Variants in ITGA9 observed in about 807,000 individuals in gnomAD.
ITGA9 encodes the protein integrin alpha-9.
In ITGA9, 56 loss-of-function variants were observed where a neutral mutation model predicts 127.8. The observed-to-expected ratio is 0.44, with a 90% confidence interval of 0.35 to 0.55. ITGA9 has a LOEUF of 0.55. Among genes scored for constraint, ITGA9 ranks in the 20% least tolerant of loss-of-function variants. The pLI is 0.00. For synonymous variants in ITGA9, 508 were observed against 514.5 expected, an observed-to-expected ratio of 0.99 and a Z score of 0.17; for missense variants, 1,196 against 1,347.1, an observed-to-expected ratio of 0.89 and a Z score of 1.76.
chr3:37,763,064 AC>A (rs781644408), intron 23 of ITGA9, among the ~76,000 whole-genome samples: 6 of 152,242 alleles, frequency 3.9e-5, no homozygotes, highest in Non-Finnish European at 7.3e-5. Context: ...TTCAACAAAT[AC>A]TTTGCGCCCA....
chr3:37,821,721 T>C lies in ITGA9; in HGVS notation c.*2732T>C, dbSNP rs1259414250. ...TGTGGGCAGTCTCAGAGCTGGGACCTATTTGCTTCTGCTTGATTCTGCGTG... is the reference window on the plus strand; with the variant it reads ...TGTGGGCAGTCTCAGAGCTGGGACCCATTTGCTTCTGCTTGATTCTGCGTG... On this transcript the variant is annotated 3_prime_UTR_variant, in exon 28 of 28. Coordinates refer to ENST00000264741, the MANE Select transcript of ITGA9 (RefSeq NM_002207.3). 2 of 151,838 alleles carry C rather than the reference T, an allele frequency of 1.3e-5. No homozygotes were observed. Among genetic ancestry groups the C allele is most frequent in the African/African-American group, 4.8e-5 (2 of 41,330 alleles). The allele number at this position is 151,838 out of a possible 1,614,324, so 9.4% of individuals were successfully genotyped here. A position where few individuals can be genotyped will look rare whatever the true frequency, so the allele number is the denominator to read the frequency against.
intron 17 of ITGA9, among the ~76,000 whole-genome samples, chr3:37,673,625 T>C (rs1292924392): frequency 6.6e-6 from 1 of 152,228 alleles, no homozygotes; most frequent in African/African-American, 2.4e-5. Context: ...TCTCAGCTTT[T>C]CCTTATCTTA....
Position 37,806,514 on chromosome 3 carries a change from T to G in ITGA9, c.3009+2572T>G, listed in dbSNP as rs1180392298. 1 of 152,654 alleles carries G rather than the reference T, an allele frequency of 6.6e-6. No individual in the cohort carries two copies. The highest frequency in any genetic ancestry group is 1.5e-5 in the Non-Finnish European group (1 of 68,386). The allele number at this position is 152,654 out of a possible 1,614,324, so 9.5% of individuals were successfully genotyped here. A position where few individuals can be genotyped will look rare whatever the true frequency, so the allele number is the denominator to read the frequency against. On this transcript the variant is annotated intron_variant, in intron 27 of 27. Coordinates refer to ENST00000264741, the MANE Select transcript of ITGA9 (RefSeq NM_002207.3). This position sits in a 1 kb window ranked among gnomAD's most constrained non-coding sequence, Gnocchi z 4.3. ...CCTCTCAGGGGTGTCCTGTCTCCTC[T>G]GCACAGCCCCTGCCTCCTCCAGCCC...
chr3:37,604,087 C>G (rs1699946101), intron 15 of ITGA9, among the ~76,000 whole-genome samples: 1 of 152,204 alleles, frequency 6.6e-6, no homozygotes, highest in South Asian at 2.1e-4. Flanking sequence ...GATGCTGGTT[C>G]TGTTGTAAGA....
At chr3:37,526,616 C>T (rs1204071358) in intron 13 of ITGA9, among the ~76,000 whole-genome samples, 2 of 152,214 alleles carry the variant, frequency 1.3e-5, no homozygotes, top group Non-Finnish European at 2.9e-5. Context: ...TGCTGAGGCC[C>T]GTGCAGTCTG....
intron 17 of ITGA9, among the ~76,000 whole-genome samples, chr3:37,656,287 A>T (rs1458504288): frequency 6.6e-6 from 1 of 152,210 alleles, no homozygotes; most frequent in African/African-American, 2.4e-5. Flanking sequence ...TTTGAGCAGT[A>T]TGGCCATTTT....
At chr3:37,550,905 C>T (rs1159331359) in intron 15 of ITGA9, among the ~76,000 whole-genome samples, 7 of 152,134 alleles carry the variant, frequency 4.6e-5, no homozygotes, top group Admixed American at 3.9e-4. Context: ...TCACAAGGTA[C>T]AGGTGCTTGT....
At chr3:37,457,759 G>T in intron 1 of ITGA9, among the ~76,000 whole-genome samples, 1 of 152,232 alleles carries the variant, frequency 6.6e-6, no homozygotes, top group East Asian at 1.9e-4. Context: ...TTTCTCTGAA[G>T]ATCTGGAGAA....
intron 16 of ITGA9, among the ~76,000 whole-genome samples, chr3:37,635,592 T>A (rs868585698): frequency 8.6e-5 from 13 of 152,006 alleles, no homozygotes; most frequent in Non-Finnish European, 8.8e-5. Context: ...TTTTATTTTA[T>A]TTTTTTCCTA....
At chr3:37,496,488 T>C (rs1241057628) in intron 5 of ITGA9, among the ~76,000 whole-genome samples, 2 of 152,130 alleles carry the variant, frequency 1.3e-5, no homozygotes, top group Admixed American at 1.3e-4. Context: ...GCCCTCCACA[T>C]CCTCTGCCAC....
chr3:37,585,730 G>A, intron 15 of ITGA9: 1 of 485,762 alleles, frequency 2.1e-6, no homozygotes, highest in Non-Finnish European at 4.2e-6. Context: ...GCGAAGGGGT[G>A]GTGAACACTA....
chr3:37,604,550 A>T (rs1325275224), intron 15 of ITGA9, among the ~76,000 whole-genome samples: 1 of 152,228 alleles, frequency 6.6e-6, no homozygotes, highest in Non-Finnish European at 1.5e-5. Context: ...TTACAGAAGC[A>T]AATCTTTAAC....
At chr3:37,624,986 C>T (rs909275523) in intron 15 of ITGA9, among the ~76,000 whole-genome samples, 1 of 152,186 alleles carries the variant, frequency 6.6e-6, no homozygotes, top group Non-Finnish European at 1.5e-5. Context: ...ATCACATAAC[C>T]TGCAAAGTGC....
At chr3:37,526,315 A>C (rs1365752361) in intron 13 of ITGA9, among the ~76,000 whole-genome samples, 1 of 148,146 alleles carries the variant, frequency 6.8e-6, no homozygotes, top group Non-Finnish European at 1.5e-5. Context: ...GGGTTGGGGT[A>C]GCCTAACTCT....
chr3:37,642,117 A>T lies in ITGA9; in HGVS notation c.1840-11597A>T, dbSNP rs571019490. On this transcript the variant is annotated intron_variant, in intron 16 of 27. Coordinates refer to ENST00000264741, the MANE Select transcript of ITGA9 (RefSeq NM_002207.3). Reference sequence around the variant, plus strand: ...CACGCCTGGCTATTTAAAAAAAAAAATTTTTTTTTCTGGACACAGGGTTTC... The same window carrying T: ...CACGCCTGGCTATTTAAAAAAAAAATTTTTTTTTTCTGGACACAGGGTTTC... Among the ~76,000 whole-genome samples the T allele has an allele frequency of 1.2e-3, 183 of 150,458 alleles. 1 individual carries two copies. The highest frequency in any genetic ancestry group is 3.4e-3 in the Middle Eastern group (1 of 294).
intron 15 of ITGA9, among the ~76,000 whole-genome samples, chr3:37,596,025 C>T (rs185309648): frequency 6.6e-6 from 1 of 152,306 alleles, no homozygotes; most frequent in Admixed American, 6.5e-5. Context: ...GCTAGGAATA[C>T]AGTGATGAGG....
rs531789046 is a variant in ITGA9, at chr3:37,750,507, A to C, written c.2479A>C (p.Ile827Leu). 3 of 1,613,746 alleles carry C rather than the reference A, an allele frequency of 1.9e-6. No homozygotes were observed. Among genetic ancestry groups the C allele is most frequent in the East Asian group, 2.2e-5 (1 of 44,844 alleles). ...PSTLPGSSVS[I>L]SFPNRLSSGG... ...CACCCTTCCAGGGTCATCTGTCAGCATCTCTTTCCCTAATCGACTCTCATC... is the reference window on the plus strand; with the variant it reads ...CACCCTTCCAGGGTCATCTGTCAGCCTCTCTTTCCCTAATCGACTCTCATC... Residue 827 changes from isoleucine to leucine, a missense_variant, in exon 23 of 28, where the codon ATC becomes CTC. Transcript: ENST00000264741.
intron 27 of ITGA9, 94 bp downstream of exon 27, chr3:37,804,036 C>T (rs1025219314): frequency 1.3e-6 from 2 of 1,576,554 alleles, no homozygotes; most frequent in African/African-American, 1.3e-5. Context: ...CCTGTTAGAG[C>T]TTCCTTCATG....
intron 19 of ITGA9, among the ~76,000 whole-genome samples, chr3:37,736,582 G>C (rs1390432565): frequency 6.6e-6 from 1 of 152,244 alleles, no homozygotes; most frequent in African/African-American, 2.4e-5. Context: ...CCCAGGTGAT[G>C]TAATTTGCAG....
Sources: gnomAD v4.1 joint callset for allele counts (sites outside exome capture counted in the v4.1 genomes callset) on GRCh38, gnomAD v4.1.1 for gene constraint, Gnocchi (gnomAD v3.1) non-coding constraint, MANE v1.5 for transcripts, NCBI Gene and HGNC (gene_info 2026-07-23, HGNC 2026-07-21) for gene names.